KIAA0825: variants seen among roughly 807,000 people sequenced by gnomAD.
The protein encoded by KIAA0825 is KIAA0825, also known as uncharacterized protein KIAA0825.
Under a neutral mutation model 147.6 loss-of-function variants are expected in KIAA0825, and 119 were observed. The ratio of observed to expected loss-of-function variants is 0.81; its 90% CI spans 0.69 to 0.94. KIAA0825 has a LOEUF of 0.94. KIAA0825 is among the 40% of genes least tolerant of loss of function. The pLI, the probability that KIAA0825 is intolerant of heterozygous loss-of-function variation, is 0.00. For synonymous variants in KIAA0825, 470 were observed against 518.1 expected (o/e 0.91, Z 1.26); for missense variants, 1,381 against 1,472.7 (o/e 0.94, Z 1.02).
intron 1 of KIAA0825, among the ~76,000 whole-genome samples, chr5:94,588,729 A>C (rs910815636): frequency 2.0e-5 from 3 of 152,232 alleles, no homozygotes; most frequent in Non-Finnish European, 4.4e-5. Flanking sequence ...CTATAGAGAC[A>C]CATGCACACA....
At chr5:94,203,917 A>C (rs897900194) in intron 20 of KIAA0825, among the ~76,000 whole-genome samples, 4 of 152,178 alleles carry the variant, frequency 2.6e-5, no homozygotes, top group African/African-American at 9.6e-5. Flanking sequence ...TATCATGAAA[A>C]TGTTAACAAA....
intron 5 of KIAA0825, among the ~76,000 whole-genome samples, chr5:94,512,595 T>TAAAAAAAAAAAAAAAAAAAACAAAAAAA (rs557790918): frequency 7.8e-6 from 1 of 128,212 alleles, no homozygotes. Flanking sequence ...GATCCTGTCT[T>TAAAAAAAAAAAAAAAAAAAACAAAAAAA]AAAAAAAAAA....
chr5:94,166,317 A>G (rs72771618), intron 20 of KIAA0825, among the ~76,000 whole-genome samples: 3,031 of 152,248 alleles, frequency 0.02, 58 homozygotes, highest in Non-Finnish European at 0.031. Context: ...AAATCCTTTA[A>G]AGATTGTGTA....
intron 1 of KIAA0825, among the ~76,000 whole-genome samples, chr5:94,604,582 AAC>A (rs1787134975): frequency 6.6e-6 from 1 of 152,114 alleles, no homozygotes; most frequent in African/African-American, 2.4e-5. Context: ...CAAACAAACA[AAC>A]AAACAAAAAA....
At chr5:94,271,264 A>T (rs1286592389) in intron 20 of KIAA0825, among the ~76,000 whole-genome samples, 1 of 152,094 alleles carries the variant, frequency 6.6e-6, no homozygotes, top group African/African-American at 2.4e-5. Context: ...AAATGGACAA[A>T]TGGGATCACA....
At chr5:94,368,063 T>C (rs903634293) in intron 20 of KIAA0825, among the ~76,000 whole-genome samples, 1 of 152,238 alleles carries the variant, frequency 6.6e-6, no homozygotes, top group African/African-American at 2.4e-5. Context: ...ATTGTAAATA[T>C]AGACCTCCTC....
intron 20 of KIAA0825, among the ~76,000 whole-genome samples, chr5:94,273,932 C>G (rs2150146191): frequency 1.3e-5 from 2 of 152,136 alleles, no homozygotes; most frequent in South Asian, 4.2e-4. Flanking sequence ...GCTTATTTTG[C>G]CATAACTCCA....
chr5:94,552,172 G>T (rs182898165), intron 2 of KIAA0825, among the ~76,000 whole-genome samples: 97 of 152,136 alleles, frequency 6.4e-4, no homozygotes, highest in African/African-American at 2.2e-3. Flanking sequence ...AAAGAGAAAA[G>T]GAATGACATT....
chr5:94,532,018 T>A (rs530150345), intron 3 of KIAA0825, among the ~76,000 whole-genome samples: 1 of 152,246 alleles, frequency 6.6e-6, no homozygotes, highest in African/African-American at 2.4e-5. Flanking sequence ...ATATGGAAGC[T>A]CAAAAAATTT....
chr5:94,515,131 T>C (rs1446534836), intron 5 of KIAA0825, among the ~76,000 whole-genome samples: 1 of 152,336 alleles, frequency 6.6e-6, no homozygotes, highest in Non-Finnish European at 1.5e-5. Flanking sequence ...AGAGGATTTA[T>C]TTAACCAAAA....
At chr5:94,507,009 G>A (rs1265963615) in intron 5 of KIAA0825, among the ~76,000 whole-genome samples, 1 of 152,066 alleles carries the variant, frequency 6.6e-6, no homozygotes, top group African/African-American at 2.4e-5. Flanking sequence ...ATAGTAACTA[G>A]TATCATACAC....
chr5:94,204,393 C>G (rs1771967609), intron 20 of KIAA0825, among the ~76,000 whole-genome samples: 1 of 152,020 alleles, frequency 6.6e-6, no homozygotes, highest in South Asian at 2.1e-4. Context: ...GATAAGAGAG[C>G]CATGGATTAT....
intron 20 of KIAA0825, among the ~76,000 whole-genome samples, chr5:94,377,741 T>C (rs1047800763): frequency 2.6e-5 from 4 of 152,240 alleles, no homozygotes; most frequent in South Asian, 2.1e-4. Context: ...ACTTTCTAAA[T>C]TGAAACACAT....
At chr5:94,529,739 T>C (rs1232509773) in intron 3 of KIAA0825, among the ~76,000 whole-genome samples, 1 of 152,106 alleles carries the variant, frequency 6.6e-6, no homozygotes, top group African/African-American at 2.4e-5. Flanking sequence ...CAAAAATATT[T>C]AAGAAAAGGA....
Position 94,396,133 on chromosome 5 carries a change from T to C in KIAA0825, c.3264A>G (p.Gln1088=), listed in dbSNP as rs1397853323. ...TGCTCAGTTTCCTTGCTTTCAACAATTGACGTTCAATCCAGTTGGGCTTCT... is the reference window on the plus strand; with the variant it reads ...TGCTCAGTTTCCTTGCTTTCAACAACTGACGTTCAATCCAGTTGGGCTTCT... ...EQQKPNWIER[Q]LLKARKLSTE... Residue 1088 remains glutamine, a synonymous_variant, in exon 17 of 21, where the codon CAA becomes CAG. Coordinates refer to ENST00000682413, the MANE Select transcript of KIAA0825 (RefSeq NM_001145678.3). The C allele has an allele frequency of 4.0e-6, 6 of 1,506,252 alleles. No individual in the cohort carries two copies. The highest frequency in any genetic ancestry group is 2.8e-5 in the African/African-American group (2 of 70,952). 93.3% of individuals were successfully genotyped at this position (1,506,252 alleles called of 1,614,324 possible).
chr5:94,244,855 C>T (rs2150110278), intron 20 of KIAA0825, among the ~76,000 whole-genome samples: 1 of 152,250 alleles, frequency 6.6e-6, no homozygotes, highest in East Asian at 1.9e-4. Flanking sequence ...TCCATTGACA[C>T]AATTATGATT....
chr5:94,609,567 G>A (rs1416490975), intron 1 of KIAA0825, among the ~76,000 whole-genome samples: 2 of 152,134 alleles, frequency 1.3e-5, no homozygotes, highest in Non-Finnish European at 2.9e-5. Context: ...GATAACTGCT[G>A]AGTTAGACAA....
chr5:94,495,960 T>C (rs909251998), intron 5 of KIAA0825, among the ~76,000 whole-genome samples: 2 of 152,240 alleles, frequency 1.3e-5, no homozygotes, highest in Non-Finnish European at 2.9e-5. Context: ...CTTTGTTTAA[T>C]AAACACAAAT....
intron 14 of KIAA0825, among the ~76,000 whole-genome samples, chr5:94,428,721 T>C (rs1755244916): frequency 6.6e-6 from 1 of 152,072 alleles, no homozygotes; most frequent in Admixed American, 6.5e-5. Context: ...CTGGTGACCA[T>C]ATTACTTAGT....
Sources: allele counts gnomAD v4.1 joint callset (sites outside exome capture counted in the v4.1 genomes callset), GRCh38; gene constraint gnomAD v4.1.1; transcripts MANE v1.5; gene names NCBI Gene and HGNC (gene_info 2026-07-23, HGNC 2026-07-21).